Variants in GRIA1 observed in about 807,000 individuals in gnomAD.
GRIA1 encodes the protein glutamate receptor 1.
GRIA1 carries 31 observed loss-of-function variants against 99.2 expected under a neutral mutation model. The ratio of observed to expected loss-of-function variants is 0.31; its 90% confidence interval spans 0.23 to 0.42. The LOEUF (loss-of-function observed/expected upper bound fraction) is 0.42, where lower values mean the gene tolerates loss of function less well. GRIA1 is among the 10% of genes least tolerant of loss of function. The pLI is 1.00. For missense variants in GRIA1, 782 were observed against 1,157.5 expected (o/e 0.68, Z 4.71); for synonymous variants, 438 against 432.4 (o/e 1.01, Z -0.16).
intron 15 of GRIA1, among the ~76,000 whole-genome samples, chr5:153,802,852 G>A (rs1023003555): frequency 1.3e-5 from 2 of 152,154 alleles, no homozygotes; most frequent in Non-Finnish European, 2.9e-5. Flanking sequence ...CAAAAGAGAG[G>A]AAAGGATGTC....
chr5:153,598,140 TATA>T (rs1457762862), intron 2 of GRIA1, among the ~76,000 whole-genome samples: 1 of 151,826 alleles, frequency 6.6e-6, no homozygotes, highest in African/African-American at 2.4e-5. Context: ...GGATATTTTA[TATA>T]ATAATATACT....
intron 11 of GRIA1, among the ~76,000 whole-genome samples, chr5:153,752,228 T>C (rs935235661): frequency 6.6e-6 from 1 of 152,178 alleles, no homozygotes; most frequent in Non-Finnish European, 1.5e-5. Context: ...GAAATCTTAC[T>C]CACCTCTTCT....
At chr5:153,557,488 T>A (rs1341089877) in intron 2 of GRIA1, among the ~76,000 whole-genome samples, 1 of 152,208 alleles carries the variant, frequency 6.6e-6, no homozygotes, top group Admixed American at 6.5e-5. Flanking sequence ...TACAAACTTT[T>A]AAATGTTTTA....
At chr5:153,679,751 C>T (rs1261229745) in intron 7 of GRIA1, among the ~76,000 whole-genome samples, 1 of 152,248 alleles carries the variant, frequency 6.6e-6, no homozygotes, top group Non-Finnish European at 1.5e-5. Flanking sequence ...CTACTGCCTT[C>T]ACCTCTGGCC....
In GRIA1 at chr5:153,491,489, T is replaced by A. The variant is rs114072307; in HGVS notation, c.82+519T>A. ...GGGGTGCTGGGTATATTGCAGCCAC[T>A]GAAATAATGCCAGAAGGCCCCCACT... On this transcript the variant is annotated intron_variant, in intron 1 of 15. Coordinates refer to ENST00000285900, the MANE Select transcript of GRIA1 (RefSeq NM_000827.4). Among the ~76,000 whole-genome samples, 220 of 152,150 alleles carry A rather than the reference T, an allele frequency of 1.4e-3. 2 individuals are homozygous for A. Among genetic ancestry groups the A allele is most frequent in the Middle Eastern group, 0.01 (3 of 294 alleles).
chr5:153,701,366 G>A (rs1006282062), intron 10 of GRIA1, among the ~76,000 whole-genome samples: 9 of 152,028 alleles, frequency 5.9e-5, no homozygotes, highest in African/African-American at 9.7e-5. Context: ...TGTAATCCCA[G>A]CACTTTGGGA....
At chr5:153,702,880 T>C (rs1758630165) in intron 10 of GRIA1, among the ~76,000 whole-genome samples, 1 of 152,222 alleles carries the variant, frequency 6.6e-6, no homozygotes, top group Non-Finnish European at 1.5e-5. Context: ...CCTGTGAAAT[T>C]GGTGAAACAA....
chr5:153,756,246 G>A (rs536181178), intron 11 of GRIA1, among the ~76,000 whole-genome samples: 4 of 152,330 alleles, frequency 2.6e-5, no homozygotes, highest in Non-Finnish European at 5.9e-5. Flanking sequence ...GATCCAGAGG[G>A]GGCCCAGTCT....
chr5:153,509,305 T>C (rs997713497), intron 2 of GRIA1, among the ~76,000 whole-genome samples: 23 of 152,268 alleles, frequency 1.5e-4, no homozygotes, highest in Middle Eastern at 3.4e-3. Context: ...GCACAGGATT[T>C]AGTGAGAGAA....
intron 5 of GRIA1, among the ~76,000 whole-genome samples, chr5:153,672,834 C>T (rs1756291030): frequency 6.6e-6 from 1 of 152,104 alleles, no homozygotes; most frequent in Admixed American, 6.5e-5. Context: ...GGTGGTTTCC[C>T]CCAAGCCATG....
At chr5:153,689,392 T>A (rs1039367048) in intron 8 of GRIA1, among the ~76,000 whole-genome samples, 9 of 152,230 alleles carry the variant, frequency 5.9e-5, no homozygotes, top group African/African-American at 2.2e-4. Flanking sequence ...TATTGCTATT[T>A]CCTGGATAGA....
chr5:153,603,755 C>T (rs973428512), intron 2 of GRIA1, among the ~76,000 whole-genome samples: 1 of 152,138 alleles, frequency 6.6e-6, no homozygotes, highest in African/African-American at 2.4e-5. Flanking sequence ...AGGGACTGAT[C>T]ATGTCTTTGC....
chr5:153,756,879 T>C (rs1762868278), intron 11 of GRIA1, among the ~76,000 whole-genome samples: 1 of 152,112 alleles, frequency 6.6e-6, no homozygotes, highest in Non-Finnish European at 1.5e-5. Flanking sequence ...CTAGAATAAA[T>C]ATCTAATTCT....
intron 11 of GRIA1, among the ~76,000 whole-genome samples, chr5:153,727,530 C>T (rs1475978859): frequency 6.6e-6 from 1 of 152,206 alleles, no homozygotes; most frequent in Non-Finnish European, 1.5e-5. Flanking sequence ...TAAGCAACTT[C>T]AGCAAAGTCT....
intron 2 of GRIA1, among the ~76,000 whole-genome samples, chr5:153,607,034 T>G (rs1233745167): frequency 1.8e-5 from 2 of 113,992 alleles, no homozygotes; most frequent in Non-Finnish European, 3.8e-5. Context: ...TATAAACATA[T>G]CACAAAAGAT....
chr5:153,511,914 C>T (rs960458172), intron 2 of GRIA1, among the ~76,000 whole-genome samples: 2 of 152,180 alleles, frequency 1.3e-5, no homozygotes, highest in Non-Finnish European at 2.9e-5. Context: ...CTCGTTCCTG[C>T]GAAGCCAGTT....
intron 2 of GRIA1, among the ~76,000 whole-genome samples, chr5:153,580,759 T>C (rs17519558): frequency 0.1 from 15,274 of 152,208 alleles, 907 homozygotes; most frequent in South Asian, 0.25. Context: ...CATTAGAAGC[T>C]GAAATTTGGA....
At chr5:153,521,998 C>G (rs542844) in intron 2 of GRIA1, among the ~76,000 whole-genome samples, 3,811 of 152,290 alleles carry the variant, frequency 0.025, 148 homozygotes, top group African/African-American at 0.086. Context: ...TAGGCCCACC[C>G]TTCAAAAGAC....
intron 2 of GRIA1, among the ~76,000 whole-genome samples, chr5:153,619,350 G>T (rs2149420131): frequency 6.6e-6 from 1 of 152,180 alleles, no homozygotes; most frequent in East Asian, 1.9e-4. Context: ...ATTTTATCAA[G>T]CCAGTCATTT....
Sources: gnomAD v4.1 joint callset for allele counts (sites outside exome capture counted in the v4.1 genomes callset) on GRCh38, gnomAD v4.1.1 for gene constraint, MANE v1.5 for transcripts, NCBI Gene and HGNC (gene_info 2026-07-23, HGNC 2026-07-21) for gene names.